NOL4: variants seen among roughly 807,000 people sequenced by gnomAD.
NOL4 encodes the protein nucleolar protein 4.
NOL4 carries 17 observed loss-of-function variants against 75.9 expected under a neutral mutation model. The observed-to-expected ratio is 0.22, with a 90% CI of 0.15 to 0.34. NOL4 has a LOEUF of 0.34. NOL4 is among the 10% of genes least tolerant of loss of function. The probability of loss-of-function intolerance (pLI) is 1.00; values close to 1 mark genes in which losing one functional copy is unlikely to be tolerated. For synonymous variants in NOL4, 292 were observed against 289.9 expected (o/e 1.01, Z -0.07); for missense variants, 614 against 793.5 (o/e 0.77, Z 2.72).
At chr18:34,087,014 T>C (rs2078275803) in intron 5 of NOL4, among the ~76,000 whole-genome samples, 1 of 152,166 alleles carries the variant, frequency 6.6e-6, no homozygotes, top group Non-Finnish European at 1.5e-5. Flanking sequence ...CATTTGAGCA[T>C]GAAGTGCACC....
Position 34,048,344 on chromosome 18 carries a change from A to G in NOL4, c.773-28743T>C, listed in dbSNP as rs531360045. ...AAAACATTGGCATTTATCAGAGTCTACTCCTGTCATTCTACTGCTTCATGG... is the reference window on the plus strand; with the variant it reads ...AAAACATTGGCATTTATCAGAGTCTGCTCCTGTCATTCTACTGCTTCATGG... On this transcript the variant is annotated intron_variant, in intron 5 of 10. Coordinates refer to ENST00000261592, the MANE Select transcript of NOL4 (RefSeq NM_003787.5). The G allele has an allele frequency of 9.3e-4, 526 of 565,960 alleles. 2 individuals carry two copies. Among genetic ancestry groups the G allele is most frequent in the Non-Finnish European group, 1.1e-3 (511 of 446,882 alleles). 35.1% of individuals were successfully genotyped at this position (565,960 alleles called of 1,614,324 possible). A position where few individuals can be genotyped will look rare whatever the true frequency, so the allele number is the denominator to read the frequency against.
intron 1 of NOL4, among the ~76,000 whole-genome samples, chr18:34,201,856 T>A (rs1393781826): frequency 1.3e-5 from 2 of 151,882 alleles, no homozygotes; most frequent in African/African-American, 4.8e-5. Context: ...TTCGGTGCTA[T>A]GAAAATACCA....
intron 6 of NOL4, among the ~76,000 whole-genome samples, chr18:34,001,318 G>A (rs532453245): frequency 3.3e-5 from 5 of 152,206 alleles, no homozygotes; most frequent in Admixed American, 2.0e-4. Flanking sequence ...TCCTAATCAC[G>A]GACTGTAGGT....
intron 6 of NOL4, among the ~76,000 whole-genome samples, chr18:33,960,268 T>C (rs1049478164): frequency 1.3e-5 from 2 of 152,198 alleles, no homozygotes; most frequent in African/African-American, 4.8e-5. Flanking sequence ...AGATACACTA[T>C]TGTAATCAAA....
chr18:34,022,397 T>G (rs1383530714), intron 5 of NOL4, among the ~76,000 whole-genome samples: 2 of 152,134 alleles, frequency 1.3e-5, no homozygotes, highest in East Asian at 1.9e-4. Flanking sequence ...TATTACATGG[T>G]ACTTTCCATA....
At chr18:34,043,330 T>C (rs1009807735) in intron 5 of NOL4, among the ~76,000 whole-genome samples, 3 of 152,078 alleles carry the variant, frequency 2.0e-5, no homozygotes, top group Admixed American at 1.3e-4. Context: ...CCTAAGACAG[T>C]AGTTTTCCTA....
At chr18:34,064,134 A>C (rs577580427) in intron 5 of NOL4, among the ~76,000 whole-genome samples, 89 of 152,142 alleles carry the variant, frequency 5.8e-4, no homozygotes, top group African/African-American at 2.0e-3. Flanking sequence ...ATGAAACACA[A>C]AGCATTCTGA....
At chr18:33,928,729 T>G (rs889300243) in intron 9 of NOL4, among the ~76,000 whole-genome samples, 1 of 152,174 alleles carries the variant, frequency 6.6e-6, no homozygotes, top group Non-Finnish European at 1.5e-5. Flanking sequence ...AAAACAATAA[T>G]GTCTGTTTAA....
In NOL4 at chr18:33,860,166, A is replaced by T. The variant is rs534542470; in HGVS notation, c.1724-7131T>A. 3.3e-5 allele frequency among the ~76,000 whole-genome samples: 5 copies of T among 152,110 alleles called. No individual in the cohort carries two copies. The South Asian group carries it at 1.0e-3, about 32-fold the overall frequency. Reference sequence around the variant, plus strand: ...ACTATCATGAGAAAAGCATGGGGGAAACCACCCCCATGGTCCAATAACTTC... The same window carrying T: ...ACTATCATGAGAAAAGCATGGGGGATACCACCCCCATGGTCCAATAACTTC... On this transcript the variant is annotated intron_variant, in intron 10 of 10. Coordinates refer to ENST00000261592, the MANE Select transcript of NOL4 (RefSeq NM_003787.5).
chr18:33,864,427 C>T (rs2144354731), intron 10 of NOL4, among the ~76,000 whole-genome samples: 1 of 152,250 alleles, frequency 6.6e-6, no homozygotes. Context: ...TGGCAAATTG[C>T]CACCAGCATA....
At chr18:34,219,115 T>A (rs965232322) in intron 1 of NOL4, among the ~76,000 whole-genome samples, 20 of 152,190 alleles carry the variant, frequency 1.3e-4, no homozygotes, top group African/African-American at 4.8e-4. Flanking sequence ...ACTGAATAAA[T>A]CATCATTTGT....
intron 5 of NOL4, among the ~76,000 whole-genome samples, chr18:34,033,952 T>C (rs2075763966): frequency 6.6e-6 from 1 of 151,848 alleles, no homozygotes; most frequent in Non-Finnish European, 1.5e-5. Flanking sequence ...AAATTAACCC[T>C]CATAAATGAA....
At chr18:33,975,936 C>T (rs947604904) in intron 6 of NOL4, among the ~76,000 whole-genome samples, 24 of 152,128 alleles carry the variant, frequency 1.6e-4, no homozygotes, top group Non-Finnish European at 3.4e-4. Flanking sequence ...ACACAGCTGT[C>T]ATGGATTTTT....
At chr18:33,989,892 G>C (rs182202481) in intron 6 of NOL4, among the ~76,000 whole-genome samples, 54 of 152,110 alleles carry the variant, frequency 3.6e-4, no homozygotes, top group Middle Eastern at 3.4e-3. Context: ...AACTCCTTTA[G>C]TCTTATCTCC....
chr18:34,160,695 G>T (rs1270616921), intron 1 of NOL4, among the ~76,000 whole-genome samples: 2 of 152,100 alleles, frequency 1.3e-5, no homozygotes, highest in African/African-American at 4.8e-5. Flanking sequence ...ATTTTAATTG[G>T]CACAATAATT....
intron 5 of NOL4, among the ~76,000 whole-genome samples, chr18:34,033,881 G>C (rs1449479130): frequency 1.3e-5 from 2 of 151,872 alleles, no homozygotes; most frequent in African/African-American, 2.4e-5. Flanking sequence ...GTAGAGAATA[G>C]GATGACATAT....
chr18:34,049,072 GCGCA>G (rs747808110), intron 5 of NOL4, among the ~76,000 whole-genome samples: 29,772 of 125,106 alleles, frequency 0.24, 3,090 homozygotes, highest in South Asian at 0.32. Context: ...ATACAGGCGC[GCGCA>G]CACACACACA....
At chr18:33,999,445 T>A (rs2073535241) in intron 6 of NOL4, among the ~76,000 whole-genome samples, 1 of 152,136 alleles carries the variant, frequency 6.6e-6, no homozygotes, top group African/African-American at 2.4e-5. Flanking sequence ...CAATTATGAA[T>A]GTACATATAA....
At chr18:34,130,499 CATTT>C (rs2080589954) in intron 1 of NOL4, among the ~76,000 whole-genome samples, 1 of 151,832 alleles carries the variant, frequency 6.6e-6, no homozygotes, top group Non-Finnish European at 1.5e-5. Flanking sequence ...AAAGAAAACA[CATTT>C]ATTATTCTAT....
Sources: gnomAD v4.1 joint callset for allele counts (sites outside exome capture counted in the v4.1 genomes callset) on GRCh38, gnomAD v4.1.1 for gene constraint, MANE v1.5 for transcripts, NCBI Gene and HGNC (gene_info 2026-07-23, HGNC 2026-07-21) for gene names.